Variants in FAM186B observed in about 807,000 individuals in gnomAD.
FAM186B encodes protein FAM186B.
A neutral mutation model predicts 83.4 loss-of-function variants in FAM186B; 68 were observed. That is an observed-to-expected ratio of 0.81 (90% CI 0.67 to 1.00). The LOEUF (loss-of-function observed/expected upper bound fraction) is 1.00, where lower values mean the gene tolerates loss of function less well. Among genes scored for constraint, FAM186B ranks in the 50% least tolerant of loss-of-function variants. FAM186B has a pLI of 0.00. For synonymous variants in FAM186B, 389 were observed against 422.0 expected (o/e 0.92, Z 0.96); for missense variants, 983 against 1,099.2 (o/e 0.89, Z 1.49).
chr12:49,589,701 G>C (rs1298246888), intron 5 of FAM186B, among the ~76,000 whole-genome samples: 1 of 151,776 alleles, frequency 6.6e-6, no homozygotes, highest in Non-Finnish European at 1.5e-5. Context: ...AAAGAATCAA[G>C]GCTGGGCGCG....
At chr12:49,621,045 AAAAG>A in the FAM186B span, among the ~76,000 whole-genome samples, 1 of 152,198 alleles carries the variant, frequency 6.6e-6, no homozygotes, top group Non-Finnish European at 1.5e-5. Flanking sequence ...AAAAAATAAA[AAAAG>A]AAAAGAAAAG....
intron 5 of FAM186B, chr12:49,595,005 A>G (rs1033087171): frequency 1.5e-5 from 3 of 199,680 alleles, no homozygotes; most frequent in African/African-American, 7.1e-5. Context: ...AAGGAGATAA[A>G]TGGATGACAA....
intron 5 of FAM186B, among the ~76,000 whole-genome samples, chr12:49,595,855 G>A: frequency 6.6e-6 from 1 of 152,120 alleles, no homozygotes; most frequent in East Asian, 1.9e-4. Context: ...CGTGGCGGTG[G>A]GTGCCCATAG....
In FAM186B at chr12:49,599,673, T is replaced by C. The variant is rs770445269; in HGVS notation, c.1967A>G (p.Asn656Ser). 1 of 1,605,690 alleles carries C rather than the reference T, an allele frequency of 6.2e-7. No individual in the cohort carries two copies. ...TWPSLQISPA[N>S]IKKKVYHMDM... Reference sequence around the variant, plus strand: ...CATGTGGTACACCTTCTTCTTAATATTTGCAGGGGATATCTGCAAAGAGGG... The same window carrying C: ...CATGTGGTACACCTTCTTCTTAATACTTGCAGGGGATATCTGCAAAGAGGG... Residue 656 changes from asparagine (N) to serine (S), a missense_variant, in exon 4 of 7, where the codon AAT becomes AGT. By Grantham distance (46) the Asn-to-Ser change is conservative. Coordinates refer to ENST00000257894, the MANE Select transcript of FAM186B (RefSeq NM_032130.3).
chr12:49,611,583 G>T, the FAM186B span, among the ~76,000 whole-genome samples: 1 of 136,886 alleles, frequency 7.3e-6, no homozygotes, highest in South Asian at 2.5e-4. Context: ...AATGTAGGCC[G>T]GGCGCAGTGG....
chr12:49,594,874 CAAAAA>C (rs35465735), intron 5 of FAM186B, among the ~76,000 whole-genome samples: 10 of 122,620 alleles, frequency 8.2e-5, no homozygotes, highest in African/African-American at 2.6e-4. Context: ...GACTCTGTCT[CAAAAA>C]AAAAAAAAAG....
the FAM186B span, among the ~76,000 whole-genome samples, chr12:49,615,807 GA>G: frequency 6.6e-6 from 1 of 151,024 alleles, no homozygotes; most frequent in African/African-American, 2.4e-5. Context: ...AAAAAAAAAA[GA>G]AAATATACAA....
chr12:49,604,360 A>G lies in FAM186B; in HGVS notation c.275T>C (p.Met92Thr), dbSNP rs777667043. 1.2e-6 allele frequency: 2 copies of G among 1,614,240 alleles called. No individual in the cohort carries two copies. The highest frequency in any genetic ancestry group is 1.7e-6 in the Non-Finnish European group (2 of 1,180,034). Reference protein sequence around the residue: ...KIASFSKDAMMKEKHLYDILR... With the variant: ...KIASFSKDAMTKEKHLYDILR... ...AATGTCATACAGGTGCTTCTCCTTC[A>G]TCATAGCATCTTTGGAGAAGGAGGC... The change falls in exon 2 of 7, where the codon ATG becomes ACG. Residue 92 changes from methionine (M) to threonine (T), a missense_variant. Met to Thr is a moderately conservative substitution (Grantham distance 81). Coordinates refer to ENST00000257894, the MANE Select transcript of FAM186B (RefSeq NM_032130.3).
Position 49,587,610 on chromosome 12 carries a change from C to T in FAM186B, c.2677G>A (p.Val893Met), listed in dbSNP as rs550241950. The change falls in exon 7 of 7, where the codon GTG (valine) becomes ATG (methionine). Residue 893 changes from valine to methionine, a missense_variant. Val to Met is a conservative substitution (Grantham distance 21, BLOSUM62 1). Transcript: ENST00000257894. ...AGGCTTTTGTGGCAGGAGGACTACA[C>T]GTCCAGTGTCAACAGCCGGGGAATA... ...PDIPRLLTLD[V>M] 141 of 1,613,438 alleles carry T rather than the reference C, an allele frequency of 8.7e-5. 1 individual carries two copies. In the South Asian group the frequency reaches 1.3e-3, roughly 15 times the overall value.
At chr12:49,607,705 T>A (rs910382912), upstream of FAM186B, among the ~76,000 whole-genome samples, 1 of 152,182 alleles carries the variant, frequency 6.6e-6, no homozygotes, top group African/African-American at 2.4e-5. Flanking sequence ...TATTTTATTT[T>A]TTAATTTTTT....
At chr12:49,584,684 C>T (rs1040775290), downstream of FAM186B, 1 of 699,206 alleles carries the variant, frequency 1.4e-6, no homozygotes, top group Non-Finnish European at 2.6e-6. Flanking sequence ...GAGTGCCATC[C>T]CACACCTGAG....
the FAM186B span, chr12:49,622,556 G>C: frequency 5.3e-5 from 8 of 152,180 alleles, no homozygotes; most frequent in African/African-American, 1.9e-4. Flanking sequence ...AGACCATGTG[G>C]GTATCATTTT....
chr12:49,584,846 C>G (rs1157735060), downstream of FAM186B, among the ~76,000 whole-genome samples: 1 of 152,306 alleles, frequency 6.6e-6, no homozygotes, highest in African/African-American at 2.4e-5. Context: ...TCTTCCCTCC[C>G]CTCATTCTTT....
chr12:49,615,025 G>C, the FAM186B span, among the ~76,000 whole-genome samples: 1 of 152,112 alleles, frequency 6.6e-6, no homozygotes, highest in Non-Finnish European at 1.5e-5. Flanking sequence ...CTACTCAGGA[G>C]GCTGAGACAG....
chr12:49,618,503 G>A, the FAM186B span, among the ~76,000 whole-genome samples: 3 of 151,624 alleles, frequency 2.0e-5, no homozygotes, highest in African/African-American at 7.3e-5. Flanking sequence ...ATAGAAGACA[G>A]AGACCAAAAC....
At position 49,600,765 on chromosome 12, in the gene FAM186B, G is replaced by C; in HGVS notation, c.875C>G (p.Ala292Gly). ...TAAGATCTCTACCTGCTTCAGCAGA[G>C]CATCCCTCCTGCTCTCAAGGACCTC... ...FMEVLESRRDALLKQVEILGG... is the reference protein window; with the variant it reads ...FMEVLESRRDGLLKQVEILGG... Residue 292 changes from alanine to glycine, a missense_variant, in exon 4 of 7, where the codon GCT (alanine) becomes GGT (glycine). Transcript: ENST00000257894. The surrounding 1 kb of genome is among the most constrained non-coding windows in gnomAD (Gnocchi z 4.3). 1 of 1,613,830 alleles carries C rather than the reference G, an allele frequency of 6.2e-7. No individual in the cohort carries two copies. The highest frequency in any genetic ancestry group is 8.5e-7 in the Non-Finnish European group (1 of 1,179,772).
At chr12:49,613,655 A>G in the FAM186B span, among the ~76,000 whole-genome samples, 4 of 151,934 alleles carry the variant, frequency 2.6e-5, no homozygotes, top group Non-Finnish European at 5.9e-5. Flanking sequence ...CCTGGGCAAC[A>G]TGGGAAAACC....
At position 49,600,372 on chromosome 12, in the gene FAM186B, C is replaced by T. The variant is rs372776064; in HGVS notation, c.1268G>A (p.Arg423His). The change falls in exon 4 of 7, where the codon CGC becomes CAC. Residue 423 changes from arginine (R) to histidine (H), a missense_variant. Coordinates refer to ENST00000257894, the MANE Select transcript of FAM186B (RefSeq NM_032130.3). This position sits in a 1 kb window ranked among gnomAD's most constrained non-coding sequence, Gnocchi z 4.3. Reference sequence around the variant, plus strand: ...TCTTTCCCATTTCTTAGGAAACCTGCGATCTACTAAGGGTAAAAGCACAGG... The same window carrying T: ...TCTTTCCCATTTCTTAGGAAACCTGTGATCTACTAAGGGTAAAAGCACAGG... ...LEPVLLPLVD[R>H]RFPKKWERPV... 1.6e-5 allele frequency: 26 copies of T among 1,614,030 alleles called. No individual in the cohort carries two copies. The highest frequency in any genetic ancestry group is 2.7e-5 in the African/African-American group (2 of 74,920).
the FAM186B span, chr12:49,619,631 G>T: frequency 6.3e-6 from 3 of 479,988 alleles, no homozygotes; most frequent in Non-Finnish European, 7.9e-6. Context: ...ATGCTATCTT[G>T]GTTTTGTTGG....
Sources: allele counts gnomAD v4.1 joint callset (sites outside exome capture counted in the v4.1 genomes callset), GRCh38; gene constraint gnomAD v4.1.1; non-coding constraint Gnocchi (gnomAD v3.1); transcripts MANE v1.5; gene names NCBI Gene and HGNC (gene_info 2026-07-23, HGNC 2026-07-21).